Variants in BLMH observed in about 807,000 individuals in gnomAD.
BLMH encodes BLM hydrolase.
Under a neutral mutation model 61.6 loss-of-function variants are expected in BLMH, and 32 were observed. That is an observed-to-expected ratio of 0.52 (90% CI 0.39 to 0.70). The LOEUF is 0.70. BLMH is among the 30% of genes least tolerant of loss of function. The pLI is 0.00. For missense variants in BLMH, 460 were observed against 555.5 expected (o/e 0.83, Z 1.73); for synonymous variants, 183 against 193.8 (o/e 0.94, Z 0.46).
chr17:30,258,073 T>C (rs754454505), intron 11 of BLMH, among the ~76,000 whole-genome samples: 6 of 152,134 alleles, frequency 3.9e-5, no homozygotes, highest in Admixed American at 1.3e-4. Flanking sequence ...GCCCAAACGA[T>C]CCTCCTGCCT....
Position 30,248,434 on chromosome 17 carries a change from AC to A in BLMH, c.*582del. ...AAACCTGACTCAAGCAGAGATGTGCACACCCCACAGTTCAGAACAGGAAGGA... is the reference window on the plus strand; with the variant it reads ...AAACCTGACTCAAGCAGAGATGTGCAACCCCACAGTTCAGAACAGGAAGGA... On this transcript the variant is annotated 3_prime_UTR_variant, in exon 12 of 12. Coordinates refer to ENST00000261714, the MANE Select transcript of BLMH (RefSeq NM_000386.4). 1 of 37,386 alleles carries A rather than the reference AC, an allele frequency of 2.7e-5. No individual in the cohort carries two copies. Among genetic ancestry groups the A allele is most frequent in the East Asian group, 3.1e-4 (1 of 3,202 alleles). 2.3% of individuals were successfully genotyped at this position (37,386 alleles called of 1,614,324 possible). A position where few individuals can be genotyped will look rare whatever the true frequency, so the allele number is the denominator to read the frequency against.
chr17:30,255,775 TAGTCCC>T (rs1366179609), intron 11 of BLMH, among the ~76,000 whole-genome samples: 2 of 152,190 alleles, frequency 1.3e-5, no homozygotes, highest in Non-Finnish European at 2.9e-5. Flanking sequence ...CGTGTGCCTG[TAGTCCC>T]AGTCACTCGG....
intron 3 of BLMH, chr17:30,288,161 G>C (rs1235041588): frequency 2.2e-6 from 1 of 451,154 alleles, no homozygotes; most frequent in Non-Finnish European, 3.9e-6. Flanking sequence ...GGGGACTTAC[G>C]ATGCTGAAAC....
chr17:30,277,732 C>T (rs1202893925), intron 6 of BLMH, among the ~76,000 whole-genome samples: 1 of 152,190 alleles, frequency 6.6e-6, no homozygotes, highest in Non-Finnish European at 1.5e-5. Context: ...TTATTATGTA[C>T]TTGACTCCCT....
intron 10 of BLMH, among the ~76,000 whole-genome samples, chr17:30,268,084 C>T (rs1908159060): frequency 6.6e-6 from 1 of 152,208 alleles, no homozygotes; most frequent in Non-Finnish European, 1.5e-5. Context: ...TCGTTATATA[C>T]TATACATTCT....
At chr17:30,288,043 G>A in intron 3 of BLMH, 96 bp from the exon 4 acceptor site, 1 of 1,235,218 alleles carries the variant, frequency 8.1e-7, no homozygotes, top group East Asian at 2.5e-5. Context: ...AATTACCATG[G>A]AATCAACATA....
Position 30,285,429 on chromosome 17 carries a change from T to G in BLMH, c.604A>C (p.Lys202Gln). The change falls in exon 6 of 12, where the codon AAA (lysine) becomes CAA (glutamine). Residue 202 changes from lysine (K) to glutamine (Q), a missense_variant. Transcript: ENST00000261714. ...LRNLVHSGAT[K>Q]GEISATQDVM... ...TCCTGTGTGGCCGAGATTTCTCCTT[T>G]GGTTGCTCCACTGTGTACCAGGTTC... The G allele has an allele frequency of 6.2e-7, 1 of 1,612,746 alleles. No homozygotes were observed. The highest frequency in any genetic ancestry group is 1.1e-5 in the South Asian group (1 of 90,736).
At chr17:30,263,263 G>A (rs1908012966) in intron 11 of BLMH, among the ~76,000 whole-genome samples, 1 of 152,216 alleles carries the variant, frequency 6.6e-6, no homozygotes, top group Non-Finnish European at 1.5e-5. Flanking sequence ...CTTTGGCTTA[G>A]AGATTAGGCT....
At chr17:30,285,664 T>G (rs1908707509) in intron 5 of BLMH, 184 bp from the exon 6 acceptor site, 1 of 450,622 alleles carries the variant, frequency 2.2e-6, no homozygotes, top group Non-Finnish European at 3.9e-6. Context: ...ATGCTTTCCA[T>G]AAGGAGAAAA....
chr17:30,291,153 G>T, intron 2 of BLMH, 158 bp downstream of exon 2: 1 of 880,930 alleles, frequency 1.1e-6, no homozygotes, highest in Non-Finnish European at 1.7e-6. Context: ...CAAACCACAT[G>T]GGTAATGTTC....
rs565278905 is a variant in BLMH at position 30,266,598 on chromosome 17, C to T, written c.1216+287G>A. Among the ~76,000 whole-genome samples the T allele has an allele frequency of 2.6e-5, 4 of 151,886 alleles. No homozygotes were observed. The South Asian group carries it at 8.3e-4, about 32-fold the overall frequency. ...CATATAGCAAGTGTCCTGGCAAGGGCACTCAACCTCCTCACTAGCCAAGCG... is the reference window on the plus strand; with the variant it reads ...CATATAGCAAGTGTCCTGGCAAGGGTACTCAACCTCCTCACTAGCCAAGCG... On this transcript the variant is annotated intron_variant, in intron 11 of 11. Coordinates refer to ENST00000261714, the MANE Select transcript of BLMH (RefSeq NM_000386.4).
At chr17:30,276,002 G>A (rs1367634820) in intron 6 of BLMH, among the ~76,000 whole-genome samples, 3 of 151,772 alleles carry the variant, frequency 2.0e-5, no homozygotes, top group African/African-American at 7.3e-5. Context: ...CCCTCTCAAG[G>A]TATATTTCCC....
At chr17:30,265,468 C>G (rs1471479215) in intron 11 of BLMH, among the ~76,000 whole-genome samples, 1 of 152,176 alleles carries the variant, frequency 6.6e-6, no homozygotes, top group Non-Finnish European at 1.5e-5. Context: ...CTGTGAGGAA[C>G]ATAGCTGGAA....
rs1312954656 is a variant in BLMH at position 30,274,292 on chromosome 17, G to A, written c.646-95C>T. On this transcript the variant is annotated intron_variant, in intron 6 of 11. Coordinates refer to ENST00000261714, the MANE Select transcript of BLMH (RefSeq NM_000386.4). ...TCCTTAAGCTTAGGAAACACAAGAA[G>A]TTAGTGGCTAAATTCAAGCTAAAAA... The A allele has an allele frequency of 2.2e-6, 3 of 1,384,904 alleles. No individual in the cohort carries two copies. In the East Asian group the frequency reaches 7.1e-5, roughly 33 times the overall value. The allele number at this position is 1,384,904 out of a possible 1,614,324, so 85.8% of individuals were successfully genotyped here.
At position 30,271,597 on chromosome 17, in the gene BLMH, A is replaced by G. The variant is rs1263589711; in HGVS notation, c.1029-209T>C. The G allele has an allele frequency of 3.4e-5, 14 of 417,390 alleles. 1 individual carries two copies. Among genetic ancestry groups the G allele is most frequent in the East Asian group, 1.0e-4 (3 of 28,972 alleles). The allele number at this position is 417,390 out of a possible 1,614,324, so 25.9% of individuals were successfully genotyped here. On this transcript the variant is annotated intron_variant, in intron 9 of 11. Transcript: ENST00000261714. Reference sequence around the variant, plus strand: ...TTCTCTATGTGTCACAAGAGTATGCAGGAAAAAAAGGAGATGATTAAACAT... The same window carrying G: ...TTCTCTATGTGTCACAAGAGTATGCGGGAAAAAAAGGAGATGATTAAACAT...
chr17:30,280,380 T>G (rs1356037621), intron 6 of BLMH, among the ~76,000 whole-genome samples: 3 of 152,198 alleles, frequency 2.0e-5, no homozygotes, highest in Non-Finnish European at 4.4e-5. Flanking sequence ...AATACTGGGT[T>G]TTTGAGAAAG....
chr17:30,258,566 C>G (rs1907877062), intron 11 of BLMH, among the ~76,000 whole-genome samples: 1 of 152,122 alleles, frequency 6.6e-6, no homozygotes, highest in African/African-American at 2.4e-5. Context: ...CCACAAAGTT[C>G]AGTCAGCAGA....
rs556606694 is a variant in BLMH at position 30,259,590 on chromosome 17, C to A, written c.1216+7295G>T. Among the ~76,000 whole-genome samples the A allele has an allele frequency of 2.0e-5, 3 of 152,260 alleles. No homozygotes were observed. In the South Asian group the frequency reaches 6.2e-4, roughly 32 times the overall value. On this transcript the variant is annotated intron_variant, in intron 11 of 11. Transcript: ENST00000261714. ...TCATCCCTTCTCTGCTTTTCTCGGT[C>A]TATTTATCCTATATCTTACAGTCTG...
intron 10 of BLMH, among the ~76,000 whole-genome samples, chr17:30,268,202 TA>T (rs1567834396): frequency 6.6e-6 from 1 of 152,244 alleles, no homozygotes; most frequent in East Asian, 1.9e-4. Flanking sequence ...CCTAAAGTGA[TA>T]TAGTTACTTG....
Sources: gnomAD v4.1 joint callset for allele counts (sites outside exome capture counted in the v4.1 genomes callset) on GRCh38, gnomAD v4.1.1 for gene constraint, MANE v1.5 for transcripts, NCBI Gene and HGNC (gene_info 2026-07-23, HGNC 2026-07-21) for gene names.